The following FGD4 variants were observed in gnomAD, a reference collection of about 807,000 sequenced individuals.
FGD4 encodes the protein FYVE, RhoGEF and PH domain-containing protein 4.
Under a neutral mutation model 102.0 loss-of-function variants are expected in FGD4, and 42 were observed. The ratio of observed to expected loss-of-function variants is 0.41; its 90% CI spans 0.32 to 0.53. The LOEUF is 0.53. Among genes scored for constraint, FGD4 ranks in the 20% least tolerant of loss-of-function variants. The probability of loss-of-function intolerance (pLI) is 0.21; values close to 1 mark genes in which losing one functional copy is unlikely to be tolerated. For missense variants in FGD4, 902 were observed against 1,078.2 expected (o/e 0.84, Z 2.29); for synonymous variants, 380 against 375.7 (o/e 1.01, Z -0.13).
intron 1 of FGD4, among the ~76,000 whole-genome samples, chr12:32,480,200 AC>A (rs1943699680): frequency 6.8e-6 from 1 of 147,564 alleles, no homozygotes; most frequent in African/African-American, 2.5e-5. Context: ...TCGCTCTGTC[AC>A]CCAGAGCTGG....
chr12:32,633,157 C>T (rs1474141261), intron 14 of FGD4, among the ~76,000 whole-genome samples: 1 of 152,006 alleles, frequency 6.6e-6, no homozygotes, highest in Admixed American at 6.6e-5. Flanking sequence ...TGACACAGGA[C>T]CAGTTGTATG....
chr12:32,612,341 C>T (rs753603124), intron 10 of FGD4, among the ~76,000 whole-genome samples: 15 of 152,200 alleles, frequency 9.9e-5, no homozygotes, highest in Non-Finnish European at 1.9e-4. Context: ...CTTGCTGCTC[C>T]AGGCTCGCCT....
chr12:32,485,216 A>C (rs1943860311), intron 1 of FGD4, among the ~76,000 whole-genome samples: 1 of 152,202 alleles, frequency 6.6e-6, no homozygotes, highest in South Asian at 2.1e-4. Flanking sequence ...CCTATCAATC[A>C]GTGCCTTCCT....
chr12:32,546,544 C>A (rs1161916760), intron 1 of FGD4, among the ~76,000 whole-genome samples: 1 of 152,208 alleles, frequency 6.6e-6, no homozygotes, highest in Admixed American at 6.5e-5. Context: ...TTAGGGATGC[C>A]AAAGGTGAAA....
chr12:32,466,207 G>A (rs192971179), intron 1 of FGD4, among the ~76,000 whole-genome samples: 3 of 152,148 alleles, frequency 2.0e-5, no homozygotes, highest in Admixed American at 1.3e-4. Flanking sequence ...AAAAGTTTGC[G>A]ACTAGCTTTG....
intron 4 of FGD4, among the ~76,000 whole-genome samples, chr12:32,594,600 G>C (rs936079932): frequency 6.6e-6 from 1 of 152,092 alleles, no homozygotes; most frequent in African/African-American, 2.4e-5. Context: ...GTCTTCCACA[G>C]AACCGGTCCC....
At chr12:32,537,099 A>G (rs1031858217) in intron 1 of FGD4, among the ~76,000 whole-genome samples, 2 of 151,988 alleles carry the variant, frequency 1.3e-5, no homozygotes, top group African/African-American at 2.4e-5. Context: ...TAGTAGAGAC[A>G]GGGTTTCACC....
chr12:32,625,131 T>A (rs1243177720), intron 13 of FGD4, 63 bp downstream of exon 13: 1 of 1,396,902 alleles, frequency 7.2e-7, no homozygotes, highest in Non-Finnish European at 1.0e-6. Flanking sequence ...AGAAGATCTG[T>A]CTAATCATTT....
chr12:32,545,860 G>A (rs898018274), intron 1 of FGD4, among the ~76,000 whole-genome samples: 11 of 152,190 alleles, frequency 7.2e-5, no homozygotes, highest in African/African-American at 2.4e-4. Context: ...TTCCAGCTTT[G>A]GAGAGGAAAT....
intron 1 of FGD4, among the ~76,000 whole-genome samples, chr12:32,507,472 C>T (rs1033660781): frequency 5.9e-5 from 9 of 152,076 alleles, no homozygotes; most frequent in Non-Finnish European, 1.2e-4. Context: ...CTGTTATCCT[C>T]AATTTATGGA....
At chr12:32,588,998 G>A (rs925172453) in intron 4 of FGD4, among the ~76,000 whole-genome samples, 1 of 152,190 alleles carries the variant, frequency 6.6e-6, no homozygotes, top group African/African-American at 2.4e-5. Context: ...CTCTAGATTT[G>A]AATCCCACTC....
chr12:32,560,769 T>G (rs1476617003), intron 1 of FGD4, among the ~76,000 whole-genome samples: 1 of 151,818 alleles, frequency 6.6e-6, no homozygotes, highest in Non-Finnish European at 1.5e-5. Flanking sequence ...TATAGCTCAC[T>G]GCTTCCTCAA....
At chr12:32,525,003 G>A (rs1377517935) in intron 1 of FGD4, among the ~76,000 whole-genome samples, 2 of 152,172 alleles carry the variant, frequency 1.3e-5, no homozygotes, top group African/African-American at 4.8e-5. Flanking sequence ...TGTCTCTAAA[G>A]ATTGTTTAAA....
intron 1 of FGD4, among the ~76,000 whole-genome samples, chr12:32,437,456 C>T (rs142948024): frequency 1.3e-5 from 2 of 152,172 alleles, no homozygotes; most frequent in East Asian, 1.9e-4. Context: ...GGTGTCCAAC[C>T]GCACCCAGAT....
chr12:32,529,555 A>G (rs978869057), intron 1 of FGD4, among the ~76,000 whole-genome samples: 1 of 151,816 alleles, frequency 6.6e-6, no homozygotes, highest in Non-Finnish European at 1.5e-5. Flanking sequence ...ATTAAAGCTG[A>G]CATTGCCGGC....
At chr12:32,585,834 CAAA>C (rs58688697) in intron 4 of FGD4, among the ~76,000 whole-genome samples, 71 of 68,810 alleles carry the variant, frequency 1.0e-3, no homozygotes, top group South Asian at 7.4e-3. Context: ...GACCTTGTCT[CAAA>C]AAAAAAAAAA....
intron 1 of FGD4, chr12:32,485,972 A>C (rs569234792): frequency 1.5e-6 from 2 of 1,333,056 alleles, no homozygotes; most frequent in Admixed American, 7.6e-5. Flanking sequence ...ACTTCCCATT[A>C]GTTAGTTCTT....
chr12:32,475,452 A>G (rs1245205327), intron 1 of FGD4, among the ~76,000 whole-genome samples: 1 of 152,180 alleles, frequency 6.6e-6, no homozygotes, highest in Non-Finnish European at 1.5e-5. Flanking sequence ...TTATTGTCAA[A>G]AGCTCTACTG....
In FGD4 at chr12:32,633,378, G is replaced by C. The variant is rs16920116; in HGVS notation, c.2173-171G>C. Among the ~76,000 whole-genome samples, 4,219 of 152,234 alleles carry C rather than the reference G, an allele frequency of 0.028. 220 individuals carry two copies. Among genetic ancestry groups the C allele is most frequent in the African/African-American group, 0.097 (4,045 of 41,530 alleles). On this transcript the variant is annotated intron_variant, in intron 14 of 16. Transcript: ENST00000534526. ...GAGTGAGCAGAGCTGGTCACAAACA[G>C]GGTTGAAACACCTTGATATGTACTT...
Sources: allele counts gnomAD v4.1 joint callset (sites outside exome capture counted in the v4.1 genomes callset), GRCh38; gene constraint gnomAD v4.1.1; transcripts MANE v1.5; gene names NCBI Gene and HGNC (gene_info 2026-07-23, HGNC 2026-07-21).